Variants in GXYLT1 observed in about 807,000 individuals in gnomAD.
GXYLT1 encodes the protein glucoside xylosyltransferase 1.
GXYLT1 carries 29 observed loss-of-function variants against 54.0 expected under a neutral mutation model. That is an observed-to-expected ratio of 0.54 (90% confidence interval 0.40 to 0.73). The LOEUF (loss-of-function observed/expected upper bound fraction) is 0.73, where lower values mean the gene tolerates loss of function less well. Ranked by LOEUF, GXYLT1 falls within the 30% of genes least tolerant of loss-of-function variation. The pLI is 0.00. For synonymous variants in GXYLT1, 176 were observed against 204.1 expected, an observed-to-expected ratio of 0.86 and a Z score of 1.17; for missense variants, 490 against 553.4, an observed-to-expected ratio of 0.89 and a Z score of 1.15.
rs769859610 is a variant in GXYLT1 at position 42,118,994 on chromosome 12, A to G, written c.486+6T>C. On this transcript the variant is annotated splice_donor_region_variant and intron_variant, in intron 3 of 7. Coordinates refer to ENST00000398675, the MANE Select transcript of GXYLT1 (RefSeq NM_173601.2). Reference sequence around the variant, plus strand: ...CTACAACCTTGACTATGTCTCAAATACTTACTCTGCCTTTAAAGCTATGAT... The same window carrying G: ...CTACAACCTTGACTATGTCTCAAATGCTTACTCTGCCTTTAAAGCTATGAT... The G allele has an allele frequency of 6.0e-6, 8 of 1,334,580 alleles. No homozygotes were observed. In the South Asian group the frequency reaches 1.3e-4, roughly 22 times the overall value. 82.7% of individuals were successfully genotyped at this position (1,334,580 alleles called of 1,614,324 possible). A position where few individuals can be genotyped will look rare whatever the true frequency, so the allele number is the denominator to read the frequency against.
chr12:42,097,338 G>A (rs1403500057), intron 7 of GXYLT1, 104 bp downstream of exon 7: 2 of 813,188 alleles, frequency 2.5e-6, no homozygotes, highest in Non-Finnish European at 3.7e-6. Context: ...TAACAGATGA[G>A]GCTGAGTGTG....
At chr12:42,144,366 C>A in intron 1 of GXYLT1, 60 bp downstream of exon 1, 1 of 1,187,162 alleles carries the variant, frequency 8.4e-7, no homozygotes. Context: ...CCGGGCTAGG[C>A]CGAGCCCGCG....
chr12:42,126,365 C>T (rs774861912), intron 2 of GXYLT1, among the ~76,000 whole-genome samples: 2 of 152,060 alleles, frequency 1.3e-5, no homozygotes, highest in Non-Finnish European at 2.9e-5. Flanking sequence ...GTGAGCCACA[C>T]CCCTCCAGCC....
Position 42,109,635 on chromosome 12 carries a change from A to T in GXYLT1, c.543T>A (p.Phe181Leu). The change falls in exon 4 of 8, where the codon TTT (phenylalanine) becomes TTA (leucine). Residue 181 changes from phenylalanine to leucine, a missense_variant. By Grantham distance (22) the Phe-to-Leu change is conservative. Transcript: ENST00000398675. The stretch of plus-strand genomic sequence containing the variant: ...TCCACTCTGCTGCATTCTCACTTGG[A>T]AAGGTTATGGGGTATAACGTATAAT... ...TFNYTLYPITFPSENAAEWKK... is the reference protein window; with the variant it reads ...TFNYTLYPITLPSENAAEWKK... The T allele has an allele frequency of 6.3e-7, 1 of 1,592,656 alleles. No individual in the cohort carries two copies. Among genetic ancestry groups the T allele is most frequent in the Non-Finnish European group, 8.6e-7 (1 of 1,166,526 alleles).
In GXYLT1 at chr12:42,107,029, G is replaced by A. The variant is rs182579018; in HGVS notation, c.613-960C>T. ...CCCCAAGTGCTGGGATTACAGGCAC[G>A]AGCCACTGTGCCCAATCAAGGATAA... On this transcript the variant is annotated intron_variant, in intron 4 of 7. Coordinates refer to ENST00000398675, the MANE Select transcript of GXYLT1 (RefSeq NM_173601.2). 9.4e-4 allele frequency among the ~76,000 whole-genome samples: 143 copies of A among 152,164 alleles called. 1 individual carries two copies. Among genetic ancestry groups the A allele is most frequent in the Middle Eastern group, 3.4e-3 (1 of 294 alleles).
intron 5 of GXYLT1, among the ~76,000 whole-genome samples, chr12:42,100,690 T>C (rs2065384711): frequency 6.6e-6 from 1 of 152,018 alleles, no homozygotes; most frequent in African/African-American, 2.4e-5. Flanking sequence ...AAAACAAGTT[T>C]TACTTAAGGA....
intron 1 of GXYLT1, among the ~76,000 whole-genome samples, chr12:42,138,994 T>C (rs2065636719): frequency 6.6e-6 from 1 of 151,312 alleles, no homozygotes; most frequent in Non-Finnish European, 1.5e-5. Flanking sequence ...GCCAAGATCA[T>C]GCCACTGCAC....
intron 5 of GXYLT1, among the ~76,000 whole-genome samples, chr12:42,101,401 A>T (rs138263550): frequency 2.4e-4 from 37 of 152,324 alleles, no homozygotes; most frequent in African/African-American, 8.4e-4. Context: ...AGGTACACAC[A>T]AAAAGAGAAA....
chr12:42,122,055 C>A lies in GXYLT1; in HGVS notation c.315-2884G>T, dbSNP rs548428014. ...GCCCCAATTGAATGGCGGAATCTTG[C>A]CAGGGTCTACAAAAATCTTTCTTTC... On this transcript the variant is annotated intron_variant, in intron 2 of 7. Transcript: ENST00000398675. Among the ~76,000 whole-genome samples the A allele has an allele frequency of 1.8e-4, 27 of 152,196 alleles. No homozygotes were observed. In the South Asian group the frequency reaches 5.6e-3, roughly 32 times the overall value.
At position 42,105,735 on chromosome 12, in the gene GXYLT1, TTTTTA is replaced by T. The variant is rs2065415328; in HGVS notation, c.864+78_864+82del. On this transcript the variant is annotated intron_variant, in intron 5 of 7. Transcript: ENST00000398675. ...AAAAATTATTTATAGTTCAATTTAGTTTTTAATAAAATTTAGTTTTATTAAAAACA... is the reference window on the plus strand; with the variant it reads ...AAAAATTATTTATAGTTCAATTTAGTATAAAATTTAGTTTTATTAAAAACA... 1.2e-5 allele frequency: 11 copies of T among 948,382 alleles called. No homozygotes were observed. The South Asian group carries it at 1.6e-4, about 14-fold the overall frequency. 58.7% of individuals were successfully genotyped at this position (948,382 alleles called of 1,614,324 possible).
intron 3 of GXYLT1, among the ~76,000 whole-genome samples, chr12:42,117,362 T>A (rs1372858494): frequency 6.6e-6 from 1 of 151,964 alleles, no homozygotes; most frequent in Non-Finnish European, 1.5e-5. Context: ...TAAAAATATT[T>A]TTAAACAGTA....
At chr12:42,114,499 G>C (rs1430694474) in intron 3 of GXYLT1, among the ~76,000 whole-genome samples, 5 of 151,876 alleles carry the variant, frequency 3.3e-5, no homozygotes, top group Non-Finnish European at 7.4e-5. Context: ...ATACTATAAA[G>C]ACCTCTACGC....
intron 7 of GXYLT1, among the ~76,000 whole-genome samples, chr12:42,094,704 C>T (rs1392325065): frequency 6.6e-6 from 1 of 150,976 alleles, no homozygotes; most frequent in Admixed American, 6.6e-5. Context: ...AAATATTATA[C>T]AAACTGAATG....
chr12:42,089,943 C>A (rs916607658), intron 7 of GXYLT1, among the ~76,000 whole-genome samples: 1 of 151,926 alleles, frequency 6.6e-6, no homozygotes. Flanking sequence ...TATGGGAAGC[C>A]CAAACTACTA....
chr12:42,126,503 C>T (rs2065563247), intron 2 of GXYLT1, among the ~76,000 whole-genome samples: 1 of 152,100 alleles, frequency 6.6e-6, no homozygotes, highest in South Asian at 2.1e-4. Context: ...GTCTATAATT[C>T]CAGCACTTTG....
At chr12:42,141,615 T>C (rs980787704) in intron 1 of GXYLT1, among the ~76,000 whole-genome samples, 1 of 152,162 alleles carries the variant, frequency 6.6e-6, no homozygotes, top group Non-Finnish European at 1.5e-5. Flanking sequence ...TCAATGTATA[T>C]GTATGTCAAA....
intron 4 of GXYLT1, among the ~76,000 whole-genome samples, chr12:42,107,825 T>C (rs1257181925): frequency 6.6e-6 from 1 of 152,202 alleles, no homozygotes; most frequent in Non-Finnish European, 1.5e-5. Context: ...CAGATTACTA[T>C]ATTCTTAGCA....
rs138675113 is a variant in GXYLT1 at position 42,091,649 on chromosome 12, T to C, written c.1162-3702A>G. The stretch of plus-strand genomic sequence containing the variant: ...TTTTATAATTCATCAGTGAGTATAG[T>C]CATACCATGATAAACTGATTGTTTA... On this transcript the variant is annotated intron_variant, in intron 7 of 7. Transcript: ENST00000398675. Among the ~76,000 whole-genome samples, 432 of 152,324 alleles carry C rather than the reference T, an allele frequency of 2.8e-3. 2 individuals are homozygous for C. The highest frequency in any genetic ancestry group is 9.3e-3 in the African/African-American group (385 of 41,570).
chr12:42,098,657 A>G (rs979919389), intron 5 of GXYLT1, among the ~76,000 whole-genome samples: 1 of 150,970 alleles, frequency 6.6e-6, no homozygotes, highest in African/African-American at 2.4e-5. Context: ...GTAGTAAAAA[A>G]TTCTCACAGA....
Sources: gnomAD v4.1 joint callset for allele counts (sites outside exome capture counted in the v4.1 genomes callset) on GRCh38, gnomAD v4.1.1 for gene constraint, MANE v1.5 for transcripts, NCBI Gene and HGNC (gene_info 2026-07-23, HGNC 2026-07-21) for gene names.